Variants in CIB4 observed in about 807,000 individuals in gnomAD.
The protein encoded by CIB4 is calcium and integrin binding family member 4, also known as calcium and integrin-binding family member 4.
Under a neutral mutation model 25.8 loss-of-function variants are expected in CIB4, and 25 were observed. That is an observed-to-expected ratio of 0.97 (90% CI 0.71 to 1.35). The LOEUF (loss-of-function observed/expected upper bound fraction) is 1.35, where lower values mean the gene tolerates loss of function less well. CIB4 is among the 40% of genes most tolerant of loss of function. CIB4 has a pLI of 0.00. For synonymous variants in CIB4, 75 were observed against 81.4 expected (o/e 0.92, Z 0.42); for missense variants, 235 against 228.2 (o/e 1.03, Z -0.19).
intron 6 of CIB4, among the ~76,000 whole-genome samples, 196 bp from the exon 7 acceptor site, chr2:26,581,589 A>C (rs1480101109): frequency 6.6e-6 from 1 of 152,186 alleles, no homozygotes; most frequent in Non-Finnish European, 1.5e-5. Flanking sequence ...ACCCCAAGGC[A>C]AAGGCAGGGC....
intron 3 of CIB4, among the ~76,000 whole-genome samples, chr2:26,618,662 T>C (rs891586039): frequency 2.0e-5 from 3 of 152,152 alleles, no homozygotes; most frequent in African/African-American, 7.2e-5. Context: ...GCCTTGGGCC[T>C]GGGGGTCCAG....
chr2:26,592,268 G>C (rs116743373), intron 4 of CIB4, among the ~76,000 whole-genome samples: 1,881 of 152,350 alleles, frequency 0.012, 34 homozygotes, highest in African/African-American at 0.042. Flanking sequence ...GGGGGCTTGA[G>C]CCAGCACGGC....
At chr2:26,612,131 TG>T (rs11312552) in intron 3 of CIB4, among the ~76,000 whole-genome samples, 103,307 of 152,034 alleles carry the variant, frequency 0.68, 35,347 homozygotes, top group African/African-American at 0.75. Flanking sequence ...CAGGAGCTTT[TG>T]CTTCTCTCTT....
chr2:26,587,205 C>T (rs902346859), intron 4 of CIB4, among the ~76,000 whole-genome samples: 6 of 144,052 alleles, frequency 4.2e-5, no homozygotes, highest in African/African-American at 1.5e-4. Flanking sequence ...ACTCGGGAGG[C>T]TGAGGCAGGA....
intron 3 of CIB4, among the ~76,000 whole-genome samples, chr2:26,619,595 G>A (rs1392963623): frequency 6.6e-6 from 1 of 152,168 alleles, no homozygotes; most frequent in African/African-American, 2.4e-5. Context: ...TTAGAGGCAT[G>A]ACCCACAAAA....
At chr2:26,610,239 A>C (rs1483597438) in intron 3 of CIB4, among the ~76,000 whole-genome samples, 1 of 48,304 alleles carries the variant, frequency 2.1e-5, no homozygotes, top group Non-Finnish European at 7.3e-5. Context: ...TCTTTGCATC[A>C]AGATAACAGT....
chr2:26,582,926 C>T lies in CIB4; in HGVS notation c.439-13G>A, dbSNP rs997935114. The T allele has an allele frequency of 9.4e-6, 15 of 1,596,218 alleles. No individual in the cohort carries two copies. The highest frequency in any genetic ancestry group is 2.7e-5 in the African/African-American group (2 of 74,518). On this transcript the variant is annotated splice_polypyrimidine_tract_variant and intron_variant, in intron 5 of 6. Transcript: ENST00000288861. ...ACTCACTCAGGACCTGGCGAGGGAG[C>T]ACAGAAGACAGTTGAGTGGAACCCC...
At chr2:26,585,058 A>G (rs1668424892) in intron 4 of CIB4, among the ~76,000 whole-genome samples, 1 of 152,160 alleles carries the variant, frequency 6.6e-6, no homozygotes, top group African/African-American at 2.4e-5. Context: ...CCTCCTGAGT[A>G]CTGAACAGTC....
chr2:26,631,843 G>A (rs577098091), intron 2 of CIB4, among the ~76,000 whole-genome samples: 69 of 152,234 alleles, frequency 4.5e-4, no homozygotes, highest in African/African-American at 1.0e-3. Context: ...AGCCCCACAC[G>A]ACTCTGCAGT....
At position 26,627,057 on chromosome 2, in the gene CIB4, C is replaced by T. The variant is rs530356698; in HGVS notation, c.186+2353G>A. Among the ~76,000 whole-genome samples the T allele has an allele frequency of 1.3e-5, 2 of 152,228 alleles. No individual in the cohort carries two copies. The highest frequency in any genetic ancestry group is 1.3e-4 in the Admixed American group (2 of 15,284). Reference sequence around the variant, plus strand: ...AGTCCAGTGCTTACTCCTTTGGGGGCCAAACAGAGACTCCAGGCCCTACTG... The same window carrying T: ...AGTCCAGTGCTTACTCCTTTGGGGGTCAAACAGAGACTCCAGGCCCTACTG... On this transcript the variant is annotated intron_variant, in intron 3 of 6. Coordinates refer to ENST00000288861, the MANE Select transcript of CIB4 (RefSeq NM_001029881.3). This position sits in a 1 kb window ranked among gnomAD's most constrained non-coding sequence, Gnocchi z 4.0.
intron 1 of CIB4, 90 bp downstream of exon 1, chr2:26,641,171 C>T: frequency 1.8e-6 from 2 of 1,135,572 alleles, no homozygotes. Flanking sequence ...GACACCCCTG[C>T]TAGAGCGTCA....
rs1446654564 is a variant in CIB4 at position 26,627,897 on chromosome 2, C to G, written c.186+1513G>C. Among the ~76,000 whole-genome samples, 1 of 152,136 alleles carries G rather than the reference C, an allele frequency of 6.6e-6. No homozygotes were observed. The highest frequency in any genetic ancestry group is 2.4e-5 in the African/African-American group (1 of 41,428). Reference sequence around the variant, plus strand: ...TGTCACTTAGGAGGGGCCGTGCAGCCGTGGCTTGAATGACATGTCTGTGCC... The same window carrying G: ...TGTCACTTAGGAGGGGCCGTGCAGCGGTGGCTTGAATGACATGTCTGTGCC... On this transcript the variant is annotated intron_variant, in intron 3 of 6. Transcript: ENST00000288861. The surrounding 1 kb of genome is among the most constrained non-coding windows in gnomAD (Gnocchi z 4.0).
At chr2:26,581,474 A>G in intron 6 of CIB4, 81 bp from the exon 7 acceptor site, 2 of 1,402,354 alleles carry the variant, frequency 1.4e-6, no homozygotes, top group South Asian at 1.2e-5. Flanking sequence ...GTAGTCCTGG[A>G]GGCTCCCTCC....
intron 6 of CIB4, 141 bp from the exon 7 acceptor site, chr2:26,581,534 C>T (rs1668343564): frequency 2.6e-6 from 2 of 782,786 alleles, no homozygotes; most frequent in Admixed American, 4.4e-5. Flanking sequence ...ACTTTGCAGC[C>T]ATCCCAAAGC....
At chr2:26,617,311 G>A (rs1371288794) in intron 3 of CIB4, among the ~76,000 whole-genome samples, 1 of 152,128 alleles carries the variant, frequency 6.6e-6, no homozygotes, top group African/African-American at 2.4e-5. Context: ...GGCGAGATGA[G>A]GAGAGAGAAG....
chr2:26,610,571 G>A (rs1274737014), intron 3 of CIB4, among the ~76,000 whole-genome samples: 2 of 152,154 alleles, frequency 1.3e-5, no homozygotes, highest in African/African-American at 4.8e-5. Context: ...CCTGCTAAGG[G>A]CTCTGCCAGC....
At chr2:26,593,863 G>C (rs750075650) in intron 4 of CIB4, among the ~76,000 whole-genome samples, 4 of 151,928 alleles carry the variant, frequency 2.6e-5, no homozygotes, top group Admixed American at 6.5e-5. Context: ...GTGGTGTAGA[G>C]GTCAGAAAGA....
intron 2 of CIB4, among the ~76,000 whole-genome samples, chr2:26,637,442 G>GT (rs150131113): frequency 0.015 from 2,315 of 151,322 alleles, 48 homozygotes; most frequent in African/African-American, 0.052. Flanking sequence ...TCTTCTTTTT[G>GT]TTTTTTTTAA....
intron 3 of CIB4, chr2:26,605,615 A>G (rs1668873689): frequency 2.1e-6 from 1 of 467,924 alleles, no homozygotes; most frequent in Non-Finnish European, 4.4e-6. Flanking sequence ...TCAGCACTAG[A>G]GTATCTCTAC....
Sources: allele counts gnomAD v4.1 joint callset (sites outside exome capture counted in the v4.1 genomes callset), GRCh38; gene constraint gnomAD v4.1.1; non-coding constraint Gnocchi (gnomAD v3.1); transcripts MANE v1.5; gene names NCBI Gene and HGNC (gene_info 2026-07-23, HGNC 2026-07-21).